Variants in VPS8 observed in about 807,000 individuals in gnomAD.
VPS8 encodes vacuolar protein sorting-associated protein 8 homolog.
A neutral mutation model predicts 216.4 loss-of-function variants in VPS8; 129 were observed. The observed-to-expected ratio is 0.60, with a 90% confidence interval of 0.52 to 0.69. VPS8 has a LOEUF of 0.69. VPS8 is among the 30% of genes least tolerant of loss of function. VPS8 has a pLI of 0.00. For synonymous variants in VPS8, 571 were observed against 565.4 expected, an observed-to-expected ratio of 1.01 and a Z score of -0.14; for missense variants, 1,531 against 1,683.5, an observed-to-expected ratio of 0.91 and a Z score of 1.59.
intron 18 of VPS8, 45 bp from the exon 19 acceptor site, chr3:184,868,901 C>T: frequency 6.5e-7 from 1 of 1,541,134 alleles, no homozygotes; most frequent in Non-Finnish European, 8.8e-7. Context: ...TGACTGGTGA[C>T]TGGTCAGACA....
intron 47 of VPS8, 111 bp downstream of exon 47, chr3:185,048,670 C>A: frequency 1.7e-6 from 2 of 1,144,812 alleles, no homozygotes; most frequent in Non-Finnish European, 2.5e-6. Context: ...TGGAAGGTGC[C>A]CTGGCATCCC....
At chr3:184,934,496 C>T (rs947407543) in intron 34 of VPS8, among the ~76,000 whole-genome samples, 17 of 152,164 alleles carry the variant, frequency 1.1e-4, no homozygotes, top group African/African-American at 3.9e-4. Context: ...CTTACTGTCA[C>T]AACTTCATAT....
Position 184,842,186 on chromosome 3 carries a change from C to CAAAAAAAAAAA in VPS8, c.536-1041_536-1031dup, listed in dbSNP as rs71162267. 5.5e-3 allele frequency among the ~76,000 whole-genome samples: 271 copies of CAAAAAAAAAAA among 48,916 alleles called. 18 individuals carry two copies. The highest frequency in any genetic ancestry group is 0.013 in the Middle Eastern group (1 of 78). 32.1% of individuals were successfully genotyped at this position (48,916 alleles called of 152,430 possible). A position where few individuals can be genotyped will look rare whatever the true frequency, so the allele number is the denominator to read the frequency against. On this transcript the variant is annotated intron_variant, in intron 7 of 47. Transcript: ENST00000625842. ...TGGGTGACAGAGCGAGACTCCGTCT[C>CAAAAAAAAAAA]AAAAAAAAAAAAAAAAAAAAAAAGA...
chr3:184,815,474 C>G (rs1019043841), intron 1 of VPS8, among the ~76,000 whole-genome samples: 2 of 151,958 alleles, frequency 1.3e-5, no homozygotes, highest in Non-Finnish European at 2.9e-5. Context: ...TGTCGTTGAC[C>G]CAAAACGTCT....
intron 29 of VPS8, chr3:184,922,577 T>C (rs1168701385): frequency 1.2e-5 from 4 of 328,284 alleles, no homozygotes; most frequent in Middle Eastern, 1.1e-3. Context: ...TTTGACTATT[T>C]CTGTTGGTGA....
chr3:184,849,411 A>G, intron 9 of VPS8: 1 of 437,640 alleles, frequency 2.3e-6, no homozygotes, highest in Non-Finnish European at 3.9e-6. Context: ...ATCCTAGTTC[A>G]TGTGTCTATT....
intron 15 of VPS8, among the ~76,000 whole-genome samples, chr3:184,862,247 A>T (rs978367360): frequency 1.6e-4 from 24 of 152,226 alleles, no homozygotes; most frequent in African/African-American, 5.5e-4. Context: ...CCAAAAAAAA[A>T]TTTGAAAATA....
At chr3:184,887,475 A>G (rs1038436758) in intron 22 of VPS8, among the ~76,000 whole-genome samples, 2 of 151,720 alleles carry the variant, frequency 1.3e-5, no homozygotes, top group African/African-American at 4.8e-5. Context: ...TAATTTATCT[A>G]ATTTTTGTAG....
At chr3:184,892,899 G>T (rs1053886269) in intron 22 of VPS8, among the ~76,000 whole-genome samples, 1 of 152,016 alleles carries the variant, frequency 6.6e-6, no homozygotes, top group African/African-American at 2.4e-5. Flanking sequence ...GAGTACAAGG[G>T]CTTCCAAATC....
chr3:185,041,771 G>T (rs1013184288), intron 46 of VPS8, among the ~76,000 whole-genome samples: 2 of 152,224 alleles, frequency 1.3e-5, no homozygotes, highest in Non-Finnish European at 2.9e-5. Flanking sequence ...GCTCTAATGT[G>T]TGTGGTGTTT....
intron 21 of VPS8, among the ~76,000 whole-genome samples, chr3:184,872,176 A>T (rs1016765612): frequency 3.3e-5 from 5 of 152,152 alleles, no homozygotes; most frequent in Admixed American, 1.3e-4. Context: ...TAACAAGAAT[A>T]TACCTATCAC....
intron 1 of VPS8, among the ~76,000 whole-genome samples, chr3:184,815,309 T>G (rs7618037): frequency 0.017 from 2,543 of 152,306 alleles, 66 homozygotes; most frequent in African/African-American, 0.059. Context: ...GCTTAGCTTT[T>G]ATACTACTGG....
chr3:184,890,606 G>A (rs1732157769), intron 22 of VPS8, among the ~76,000 whole-genome samples: 1 of 151,952 alleles, frequency 6.6e-6, no homozygotes, highest in African/African-American at 2.4e-5. Context: ...TATTAATTAA[G>A]CTAGTGGATA....
chr3:185,001,118 T>G (rs923295358), intron 45 of VPS8, among the ~76,000 whole-genome samples: 3 of 152,210 alleles, frequency 2.0e-5, no homozygotes, highest in Non-Finnish European at 4.4e-5. Flanking sequence ...CATGGTCTTG[T>G]CTTTCAGAGT....
rs114932493 is a variant in VPS8 at position 184,946,156 on chromosome 3, C to G, written c.3035+5913C>G. The stretch of plus-strand genomic sequence containing the variant: ...TGTGCAGCAAGGGATTATAGAAAGG[C>G]AAGCTAGGTTACAGTGGCTGGCTGC... On this transcript the variant is annotated intron_variant, in intron 36 of 47. Coordinates refer to ENST00000625842, the MANE Select transcript of VPS8 (RefSeq NM_001009921.3). Among the ~76,000 whole-genome samples, 669 of 152,302 alleles carry G rather than the reference C, an allele frequency of 4.4e-3. 7 individuals carry two copies. The highest frequency in any genetic ancestry group is 0.015 in the African/African-American group (629 of 41,568).
intron 45 of VPS8, among the ~76,000 whole-genome samples, chr3:185,001,613 T>C (rs1364676749): frequency 3.6e-5 from 2 of 56,276 alleles, no homozygotes; most frequent in Non-Finnish European, 6.8e-5. Context: ...GAGGTTTCGT[T>C]ATGTAGTCAT....
intron 46 of VPS8, among the ~76,000 whole-genome samples, chr3:185,034,144 T>A (rs912878938): frequency 1.3e-5 from 2 of 152,206 alleles, no homozygotes; most frequent in Admixed American, 1.3e-4. Context: ...ACATGTGGTA[T>A]TTTGTTTTCT....
chr3:184,950,618 T>C (rs887809022), intron 36 of VPS8, among the ~76,000 whole-genome samples: 2 of 152,172 alleles, frequency 1.3e-5, no homozygotes, highest in African/African-American at 4.8e-5. Flanking sequence ...CTTTAAGTTC[T>C]GGGTTACGTG....
intron 7 of VPS8, 31 bp from the exon 8 acceptor site, chr3:184,843,209 T>G: frequency 7.0e-7 from 1 of 1,422,754 alleles, no homozygotes; most frequent in Non-Finnish European, 9.3e-7. Context: ...TTTCTTTATC[T>G]TTCTTGATCT....
Sources: gnomAD v4.1 joint callset for allele counts (sites outside exome capture counted in the v4.1 genomes callset) on GRCh38, gnomAD v4.1.1 for gene constraint, MANE v1.5 for transcripts, NCBI Gene and HGNC (gene_info 2026-07-23, HGNC 2026-07-21) for gene names.